AXIN1: variants seen among roughly 807,000 people sequenced by gnomAD.
The protein encoded by AXIN1 is axin 1, also known as axin-1.
Under a neutral mutation model 76.4 loss-of-function variants are expected in AXIN1, and 30 were observed. The observed-to-expected ratio is 0.39, with a 90% CI of 0.29 to 0.53. The LOEUF is 0.53. AXIN1 is among the 20% of genes least tolerant of loss of function. The probability of loss-of-function intolerance (pLI) is 0.66; values close to 1 mark genes in which losing one functional copy is unlikely to be tolerated. For synonymous variants in AXIN1, 545 were observed against 501.4 expected (o/e 1.09, Z -1.16); for missense variants, 1,140 against 1,198.8 (o/e 0.95, Z 0.72).
intron 8 of AXIN1, chr16:292,133 G>T (rs1213722694): frequency 6.6e-6 from 1 of 152,234 alleles, no homozygotes; most frequent in African/African-American, 2.4e-5. Context: ...GGCTCAGGAA[G>T]CCCCGGCAGG....
rs200716081 is a variant in AXIN1 at position 304,324 on chromosome 16, G to A, written c.1234C>T (p.Arg412Trp). ...CTCACCATGCGCACGCGCTTCAGCC[G>A]CTCCTCCAGCTTCTCCTCGGCCTCC... ...TREAEEKLEE[R>W]LKRVRMEEEG... The change falls in exon 5 of 11, where the codon CGG becomes TGG. Residue 412 changes from arginine (R) to tryptophan (W), a missense_variant. Transcript: ENST00000262320. 21 of 1,612,086 alleles carry A rather than the reference G, an allele frequency of 1.3e-5. No homozygotes were observed. The East Asian group carries it at 2.7e-4, about 21-fold the overall frequency.
At chr16:314,980 G>A (rs568709558) in intron 2 of AXIN1, among the ~76,000 whole-genome samples, 8 of 152,288 alleles carry the variant, frequency 5.3e-5, no homozygotes, top group Admixed American at 4.6e-4. Flanking sequence ...TTTGTTTTCC[G>A]TGCACGGTAC....
chr16:351,191 A>T (rs998461443), intron 1 of AXIN1, among the ~76,000 whole-genome samples: 2 of 151,952 alleles, frequency 1.3e-5, no homozygotes. Flanking sequence ...GCCGGTTTAG[A>T]CTGTGTTTTC....
chr16:289,864 G>A (rs2052505553), intron 9 of AXIN1: 2 of 569,986 alleles, frequency 3.5e-6, no homozygotes, highest in East Asian at 3.0e-5. Context: ...CGACTGGCCA[G>A]GGCCTGGCTG....
rs934957675 is a variant in AXIN1 at position 326,891 on chromosome 16, A to G, written c.879-12208T>C. On this transcript the variant is annotated intron_variant, in intron 2 of 10. Coordinates refer to ENST00000262320, the MANE Select transcript of AXIN1 (RefSeq NM_003502.4). The stretch of plus-strand genomic sequence containing the variant: ...TGTGGTGGCTCACACCTGTAATCCC[A>G]ACAGTTTGGGAGGCCGAGGCGGGGG... 1.4e-4 allele frequency among the ~76,000 whole-genome samples: 22 copies of G among 151,896 alleles called. No individual in the cohort carries two copies. The East Asian group carries it at 4.3e-3, about 30-fold the overall frequency.
chr16:346,326 T>C lies in AXIN1; in HGVS notation c.700A>G (p.Ile234Val), dbSNP rs1424205133. The change falls in exon 2 of 11, where the codon ATA becomes GTA. Residue 234 changes from isoleucine to valine, a missense_variant. By Grantham distance (29) the Ile-to-Val change is conservative. Coordinates refer to ENST00000262320, the MANE Select transcript of AXIN1 (RefSeq NM_003502.4). ...QSSGSGTGKGISGYLPTLNED... is the reference protein window; with the variant it reads ...QSSGSGTGKGVSGYLPTLNED... ...TTTAAGGTCGGCAGGTATCCAGATA[T>C]GCCCTTCCCTGTCCCTGACCCAGAG... The C allele has an allele frequency of 1.9e-6, 3 of 1,614,120 alleles. No homozygotes were observed. Among genetic ancestry groups the C allele is most frequent in the East Asian group, 2.2e-5 (1 of 44,900 alleles).
rs1321986519 is a variant in AXIN1 at position 287,878 on chromosome 16, G to A, written c.*244C>T. 6 of 617,862 alleles carry A rather than the reference G, an allele frequency of 9.7e-6. No homozygotes were observed. The highest frequency in any genetic ancestry group is 1.7e-5 in the Non-Finnish European group (6 of 354,170). 38.3% of individuals were successfully genotyped at this position (617,862 alleles called of 1,614,324 possible). ...GCAGGGACCTCGGCTGCCTCACTTG[G>A]GCTGGGCCCTCCAAGTATTGCTATG... On this transcript the variant is annotated 3_prime_UTR_variant, in exon 11 of 11. Transcript: ENST00000262320.
In AXIN1 at chr16:319,001, C is replaced by T. The variant is rs563499748; in HGVS notation, c.879-4318G>A. On this transcript the variant is annotated intron_variant, in intron 2 of 10. Coordinates refer to ENST00000262320, the MANE Select transcript of AXIN1 (RefSeq NM_003502.4). ...TCTGGCTGTGCGGAGAGAATGCGGCCGGAGACTTGGTGAGAGCTGTGCCCA... is the reference window on the plus strand; with the variant it reads ...TCTGGCTGTGCGGAGAGAATGCGGCTGGAGACTTGGTGAGAGCTGTGCCCA... 4.7e-5 allele frequency among the ~76,000 whole-genome samples: 7 copies of T among 149,752 alleles called. No individual in the cohort carries two copies. The East Asian group carries it at 9.7e-4, about 21-fold the overall frequency.
At chr16:352,251 C>A in intron 1 of AXIN1, 118 bp downstream of exon 1, 1 of 615,556 alleles carries the variant, frequency 1.6e-6, no homozygotes, top group South Asian at 7.0e-5. Context: ...CCCCAGCTCC[C>A]CGCGCGCCCA....
chr16:295,802 A>T (rs2052695723), intron 7 of AXIN1, among the ~76,000 whole-genome samples: 1 of 151,628 alleles, frequency 6.6e-6, no homozygotes, highest in African/African-American at 2.4e-5. Context: ...CCCGGTCTCT[A>T]CTAAAAATAC....
chr16:310,131 A>G (rs2053136774), intron 3 of AXIN1, 62 bp from the exon 4 acceptor site: 1 of 1,500,332 alleles, frequency 6.7e-7, no homozygotes, highest in Non-Finnish European at 9.1e-7. Flanking sequence ...GCACCGTGCC[A>G]ATAGAGCTCC....
rs781080712 is a variant in AXIN1, at chr16:347,042, A to G, written c.-17T>C. The G allele has an allele frequency of 1.2e-6, 2 of 1,614,006 alleles. No individual in the cohort carries two copies. Among genetic ancestry groups the G allele is most frequent in the Admixed American group, 3.3e-5 (2 of 60,016 alleles). ...GATATTCATTTTGGGACTCTGCGTC[A>G]AGGAACAATGAGCGCTGCACCCTAA... is the stretch of plus-strand genomic sequence containing the variant. On this transcript the variant is annotated 5_prime_UTR_variant, in exon 2 of 11. Coordinates refer to ENST00000262320, the MANE Select transcript of AXIN1 (RefSeq NM_003502.4).
At chr16:342,954 G>A (rs553724141) in intron 2 of AXIN1, among the ~76,000 whole-genome samples, 61 of 152,340 alleles carry the variant, frequency 4.0e-4, no homozygotes, top group African/African-American at 1.3e-3. Flanking sequence ...ACCTACACCT[G>A]GCAGGACAAA....
In AXIN1 at chr16:305,321, T is replaced by G. The variant is rs568556472; in HGVS notation, c.1117-880A>C. ...TCATCTCTACAAACAAAAATTTTTT[T>G]TAATTAGCCGGGTGTGGTGGCACCT... On this transcript the variant is annotated intron_variant, in intron 4 of 10. Transcript: ENST00000262320. Among the ~76,000 whole-genome samples the G allele has an allele frequency of 5.2e-4, 79 of 152,178 alleles. No individual in the cohort carries two copies. The South Asian group carries it at 6.2e-3, about 12-fold the overall frequency.
intron 5 of AXIN1, among the ~76,000 whole-genome samples, chr16:301,867 C>G (rs1302811728): frequency 6.6e-6 from 1 of 152,240 alleles, no homozygotes; most frequent in African/African-American, 2.4e-5. Context: ...TCCTTTCTTA[C>G]GTTTCTGTTG....
Position 346,541 on chromosome 16 carries a change from G to A in AXIN1, c.485C>T (p.Pro162Leu), listed in dbSNP as rs758373831. The A allele has an allele frequency of 3.1e-6, 5 of 1,614,164 alleles. No homozygotes were observed. The highest frequency in any genetic ancestry group is 3.4e-6 in the Non-Finnish European group (4 of 1,180,002). The change falls in exon 2 of 11, where the codon CCA becomes CTA. Residue 162 changes from proline to leucine, a missense_variant. Physicochemically the swap from Pro to Leu is moderately conservative, Grantham distance 98. This residue lies in a region of AXIN1 where 708 missense variants were observed against 776.9 expected (regional missense o/e 0.91). Transcript: ENST00000262320. ...GCCCTTTATGAAGCTCTTGGTGGCTGGCTTGGTCTGCCGGGACACGATGCC... is the reference window on the plus strand; with the variant it reads ...GCCCTTTATGAAGCTCTTGGTGGCTAGCTTGGTCTGCCGGGACACGATGCC... ...NNGIVSRQTK[P>L]ATKSFIKGCI...
intron 8 of AXIN1, 89 bp from the exon 9 acceptor site, chr16:291,386 G>A: frequency 8.6e-7 from 1 of 1,166,490 alleles, no homozygotes; most frequent in Non-Finnish European, 1.2e-6. Context: ...CGCAGGGACG[G>A]ACGGAGCGTG....
intron 2 of AXIN1, among the ~76,000 whole-genome samples, chr16:339,877 C>T (rs576409082): frequency 3.9e-5 from 6 of 152,244 alleles, no homozygotes; most frequent in South Asian, 2.1e-4. Context: ...CCCTGGGCCA[C>T]ACCCTTTGCA....
At chr16:328,567 A>G (rs2141648836) in intron 2 of AXIN1, among the ~76,000 whole-genome samples, 1 of 151,020 alleles carries the variant, frequency 6.6e-6, no homozygotes, top group South Asian at 2.1e-4. Flanking sequence ...GTGGTGGCAC[A>G]TGTCTGTAAT....
Sources: allele counts gnomAD v4.1 joint callset (sites outside exome capture counted in the v4.1 genomes callset), GRCh38; gene constraint gnomAD v4.1.1; regional missense constraint gnomAD v4.1.1; transcripts MANE v1.5; gene names NCBI Gene and HGNC (gene_info 2026-07-23, HGNC 2026-07-21).